The following ZNF423 variants were observed in gnomAD, a reference collection of about 807,000 sequenced individuals.
ZNF423 encodes zinc finger protein 423, also known as Ebf-associated zinc finger protein.
Under a neutral mutation model 95.8 loss-of-function variants are expected in ZNF423, and 12 were observed. The ratio of observed to expected loss-of-function variants is 0.13; its 90% CI spans 0.08 to 0.20. The LOEUF is 0.20. ZNF423 is among the 10% of genes least tolerant of loss of function. The pLI, the probability that ZNF423 is intolerant of heterozygous loss-of-function variation, is 1.00. For synonymous variants in ZNF423, 749 were observed against 711.9 expected, an observed-to-expected ratio of 1.05 and a Z score of -0.83; for missense variants, 1,316 against 1,737.1, an observed-to-expected ratio of 0.76 and a Z score of 4.31.
intron 2 of ZNF423, among the ~76,000 whole-genome samples, chr16:49,758,811 T>G (rs1389814230): frequency 1.3e-5 from 2 of 152,158 alleles, no homozygotes; most frequent in African/African-American, 4.8e-5. Context: ...ACTCCAAGTC[T>G]AAATTATAGT....
At chr16:49,634,794 T>C (rs376998848) in intron 4 of ZNF423, among the ~76,000 whole-genome samples, 1 of 152,174 alleles carries the variant, frequency 6.6e-6, no homozygotes, top group East Asian at 1.9e-4. Flanking sequence ...AGGCCCACCA[T>C]TGGTTGCCCC....
intron 1 of ZNF423, among the ~76,000 whole-genome samples, chr16:49,796,674 C>G (rs942646001): frequency 6.6e-6 from 1 of 152,152 alleles, no homozygotes; most frequent in Non-Finnish European, 1.5e-5. Flanking sequence ...AGTGCTGGTC[C>G]AAGGGTCAGA....
chr16:49,845,707 A>AT (rs143348420), intron 1 of ZNF423, among the ~76,000 whole-genome samples: 30,016 of 147,402 alleles, frequency 0.2, 3,099 homozygotes, highest in African/African-American at 0.27. Flanking sequence ...CACCCTCCTA[A>AT]TTTTTTTTTT....
At chr16:49,704,859 A>G (rs1483235012) in intron 3 of ZNF423, among the ~76,000 whole-genome samples, 1 of 152,038 alleles carries the variant, frequency 6.6e-6, no homozygotes, top group Non-Finnish European at 1.5e-5. Context: ...AGGGACCTCC[A>G]CTTCCAACTG....
chr16:49,515,318 G>A (rs565046392), intron 7 of ZNF423, among the ~76,000 whole-genome samples: 11 of 152,228 alleles, frequency 7.2e-5, no homozygotes, highest in Non-Finnish European at 1.3e-4. Flanking sequence ...CTACCTGCTT[G>A]GCCCAACTAC....
intron 3 of ZNF423, among the ~76,000 whole-genome samples, chr16:49,651,885 T>A (rs1973421790): frequency 6.6e-6 from 1 of 151,960 alleles, no homozygotes; most frequent in Admixed American, 6.5e-5. Context: ...ACCAACAGGG[T>A]CTAAGCTAAA....
chr16:49,574,937 C>G (rs901891014), intron 5 of ZNF423, among the ~76,000 whole-genome samples: 3 of 152,176 alleles, frequency 2.0e-5, no homozygotes, highest in African/African-American at 7.2e-5. Flanking sequence ...AGCACCTCTT[C>G]CCACCCGACT....
At chr16:49,724,635 G>A (rs141256045) in intron 3 of ZNF423, among the ~76,000 whole-genome samples, 6 of 152,324 alleles carry the variant, frequency 3.9e-5, no homozygotes, top group East Asian at 1.9e-4. Context: ...GACAGCACAC[G>A]GCTGGCAAAG....
intron 1 of ZNF423, among the ~76,000 whole-genome samples, chr16:49,797,770 G>C (rs887435500): frequency 6.6e-6 from 1 of 152,220 alleles, no homozygotes; most frequent in African/African-American, 2.4e-5. Flanking sequence ...CAACAGCACA[G>C]GTAAGATCGC....
chr16:49,636,838 T>C lies in ZNF423; in HGVS notation c.2338A>G (p.Ser780Gly), dbSNP rs1972741057. The change falls in exon 4 of 8, where the codon AGC becomes GGC. Residue 780 changes from serine (S) to glycine (G), a missense_variant. Around this residue, in one of 6 missense-constraint regions of ZNF423, gnomAD observed 620 missense variants for 775.6 expected, o/e 0.80. Coordinates refer to ENST00000563137, the MANE Select transcript of ZNF423 (RefSeq NM_001379286.1). This position sits in a 1 kb window ranked among gnomAD's most constrained non-coding sequence, Gnocchi z 8.6. ...EADLQVHVKH[S>G]HLGNPAKAHK... ...GCCTTGGCCGGGTTGCCCAGGTGGC[T>C]GTGTTTGACGTGCACCTGCAGGTCA... The C allele has an allele frequency of 2.5e-6, 4 of 1,614,108 alleles. No homozygotes were observed. The highest frequency in any genetic ancestry group is 2.2e-5 in the South Asian group (2 of 91,088).
At chr16:49,840,085 A>G (rs2035167208) in intron 1 of ZNF423, among the ~76,000 whole-genome samples, 1 of 152,208 alleles carries the variant, frequency 6.6e-6, no homozygotes, top group African/African-American at 2.4e-5. Context: ...GAATGAATGA[A>G]CAAATGAGCA....
chr16:49,799,991 C>A (rs1187679842), intron 1 of ZNF423, among the ~76,000 whole-genome samples: 2 of 152,168 alleles, frequency 1.3e-5, no homozygotes, highest in Admixed American at 1.3e-4. Context: ...TGGGAGCTCA[C>A]ACCTATAATC....
intron 2 of ZNF423, among the ~76,000 whole-genome samples, chr16:49,786,319 G>T (rs1328268526): frequency 6.6e-6 from 1 of 152,224 alleles, no homozygotes; most frequent in African/African-American, 2.4e-5. Flanking sequence ...AGGGTGGCCA[G>T]GGGAGGCCAG....
chr16:49,679,548 G>A (rs1245725385), intron 3 of ZNF423, among the ~76,000 whole-genome samples: 1 of 152,270 alleles, frequency 6.6e-6, no homozygotes, highest in Non-Finnish European at 1.5e-5. Context: ...GGGCAGTGCT[G>A]ACATGCCAGC....
chr16:49,691,935 T>TTTTG (rs1425355387), intron 3 of ZNF423, among the ~76,000 whole-genome samples: 2 of 151,594 alleles, frequency 1.3e-5, no homozygotes, highest in African/African-American at 4.8e-5. Context: ...TCTTTTCTTA[T>TTTTG]TTTGTTTGTT....
chr16:49,626,032 C>A, intron 5 of ZNF423, 138 bp downstream of exon 5: 1 of 753,198 alleles, frequency 1.3e-6, no homozygotes, highest in Non-Finnish European at 2.2e-6. Flanking sequence ...GACATTTTCA[C>A]TCCCATGTGC....
chr16:49,758,050 A>C (rs2033760168), intron 2 of ZNF423, among the ~76,000 whole-genome samples: 1 of 152,162 alleles, frequency 6.6e-6, no homozygotes, highest in Non-Finnish European at 1.5e-5. Flanking sequence ...AATGGTAGGC[A>C]CTTCCTGCCT....
intron 2 of ZNF423, among the ~76,000 whole-genome samples, chr16:49,737,744 T>G (rs1172885087): frequency 6.6e-6 from 1 of 152,190 alleles, no homozygotes; most frequent in Non-Finnish European, 1.5e-5. Context: ...CAGCAGGGCT[T>G]CGCAAGGTCA....
chr16:49,687,168 C>T (rs1005679715), intron 3 of ZNF423, among the ~76,000 whole-genome samples: 7 of 152,106 alleles, frequency 4.6e-5, no homozygotes, highest in African/African-American at 1.7e-4. Flanking sequence ...CACTAATAAA[C>T]AGTGGGCAGG....
Sources: gnomAD v4.1 joint callset for allele counts (sites outside exome capture counted in the v4.1 genomes callset) on GRCh38, gnomAD v4.1.1 for gene constraint, gnomAD v4.1.1 regional missense constraint, Gnocchi (gnomAD v3.1) non-coding constraint, MANE v1.5 for transcripts, NCBI Gene and HGNC (gene_info 2026-07-23, HGNC 2026-07-21) for gene names.